Variants in UBE2D3 observed in about 807,000 individuals in gnomAD.
The protein encoded by UBE2D3 is ubiquitin conjugating enzyme E2 D3.
In UBE2D3, 2 loss-of-function variants were observed where a neutral mutation model predicts 22.8. The observed-to-expected ratio is 0.09, with a 90% confidence interval of 0.04 to 0.28. The LOEUF (loss-of-function observed/expected upper bound fraction) is 0.28, where lower values mean the gene tolerates loss of function less well. Among genes scored for constraint, UBE2D3 ranks in the 10% least tolerant of loss-of-function variants. UBE2D3 has a pLI of 1.00. For missense variants in UBE2D3, 27 were observed against 182.5 expected, an observed-to-expected ratio of 0.15 and a Z score of 4.91; for synonymous variants, 56 against 60.4, an observed-to-expected ratio of 0.93 and a Z score of 0.34.
At chr4:102,826,182 T>TC (rs1730448900) in intron 2 of UBE2D3, among the ~76,000 whole-genome samples, 1 of 151,972 alleles carries the variant, frequency 6.6e-6, no homozygotes, top group Admixed American at 6.6e-5. Context: ...CCAAAAAAAC[T>TC]CCTTCTTAAG....
Position 102,826,539 on chromosome 4 carries a change from T to A in UBE2D3, c.-31A>T, listed in dbSNP as rs1730532692. On this transcript the variant is annotated 5_prime_UTR_variant, in exon 2 of 8. Transcript: ENST00000453744. ...GTGCTTGTCGTCTGGCTCCTCACTCTCTCGGTGTATGCTCAAAGGTCCGGC... is the reference window on the plus strand; with the variant it reads ...GTGCTTGTCGTCTGGCTCCTCACTCACTCGGTGTATGCTCAAAGGTCCGGC... 6.2e-7 allele frequency: 1 copy of A among 1,612,220 alleles called. No homozygotes were observed. The highest frequency in any genetic ancestry group is 8.5e-7 in the Non-Finnish European group (1 of 1,179,948).
In UBE2D3 at chr4:102,795,947, A is replaced by C. The variant is rs1357191449; in HGVS notation, c.*1468T>G. The C allele has an allele frequency of 6.6e-6, 1 of 152,528 alleles. No individual in the cohort carries two copies. Among genetic ancestry groups the C allele is most frequent in the African/African-American group, 2.4e-5 (1 of 41,442 alleles). The allele number at this position is 152,528 out of a possible 1,614,324, so 9.4% of individuals were successfully genotyped here. On this transcript the variant is annotated 3_prime_UTR_variant, in exon 8 of 8. Coordinates refer to ENST00000453744, the MANE Select transcript of UBE2D3 (RefSeq NM_181891.3). ...TTACTACAGAAGTTAAATCAGTGGC[A>C]CAGATAGCACTTGTCAAACAAAAAA...
At chr4:102,809,127 G>A in intron 4 of UBE2D3, 2 of 295,998 alleles carry the variant, frequency 6.8e-6, no homozygotes, top group Middle Eastern at 8.2e-4. Context: ...CCATAATTCT[G>A]AATATTCAAT....
rs1200385837 is a variant in UBE2D3 at position 102,796,026 on chromosome 4, T to C, written c.*1389A>G. 1 of 152,418 alleles carries C rather than the reference T, an allele frequency of 6.6e-6. No individual in the cohort carries two copies. The highest frequency in any genetic ancestry group is 1.5e-5 in the Non-Finnish European group (1 of 67,908). The allele number at this position is 152,418 out of a possible 1,614,324, so 9.4% of individuals were successfully genotyped here. ...TCATGTTAAGTCACCTGAAATGATA[T>C]CTGTTGCATTTAAATGCTCATTAAT... On this transcript the variant is annotated 3_prime_UTR_variant, in exon 8 of 8. Coordinates refer to ENST00000453744, the MANE Select transcript of UBE2D3 (RefSeq NM_181891.3).
chr4:102,828,720 T>C (rs1257111538), upstream of UBE2D3, among the ~76,000 whole-genome samples: 1 of 152,176 alleles, frequency 6.6e-6, no homozygotes, highest in East Asian at 1.9e-4. Flanking sequence ...AGAAAAACAA[T>C]ACAATACTTC....
chr4:102,840,514 TG>T (rs1018121721), intron 1 of UBE2D3, among the ~76,000 whole-genome samples: 15 of 152,002 alleles, frequency 9.9e-5, no homozygotes, highest in African/African-American at 3.6e-4. Flanking sequence ...AAGCTAAACA[TG>T]TTGATCTCAT....
chr4:102,823,570 T>C (rs1163185978), intron 2 of UBE2D3, among the ~76,000 whole-genome samples: 3 of 152,226 alleles, frequency 2.0e-5, no homozygotes, highest in Non-Finnish European at 4.4e-5. Flanking sequence ...CACATATTTA[T>C]CTTCAAACGT....
In UBE2D3 at chr4:102,801,436, T is replaced by C; in HGVS notation, c.304+18A>G. On this transcript the variant is annotated intron_variant, in intron 6 of 7. Transcript: ENST00000453744. ...TTATTAGACAATGAGAACAGCTTAT[T>C]TCACTAGAAATATTTACCTTTAGAA... is the stretch of plus-strand genomic sequence containing the variant. The C allele has an allele frequency of 6.3e-7, 1 of 1,585,396 alleles. No homozygotes were observed. The highest frequency in any genetic ancestry group is 8.6e-7 in the Non-Finnish European group (1 of 1,157,426).
intron 1 of UBE2D3, chr4:102,826,955 T>G (rs1053149892): frequency 1.0e-6 from 1 of 1,002,664 alleles, no homozygotes; most frequent in Non-Finnish European, 1.2e-6. Context: ...GTCGGCGCTA[T>G]ACCGGCGTCA....
chr4:102,797,871 A>G (rs1202138516), intron 7 of UBE2D3, among the ~76,000 whole-genome samples: 4 of 152,008 alleles, frequency 2.6e-5, no homozygotes, highest in Non-Finnish European at 5.9e-5. Context: ...GGCTTTTACT[A>G]GAACAATTTT....
intron 7 of UBE2D3, among the ~76,000 whole-genome samples, chr4:102,798,297 T>TATATATATATATATGC (rs1481588683): frequency 6.8e-6 from 1 of 146,678 alleles, no homozygotes; most frequent in African/African-American, 2.6e-5. Context: ...TATATATATA[T>TATATATATATATATGC]GCACAGGAGA....
intron 2 of UBE2D3, among the ~76,000 whole-genome samples, chr4:102,817,866 T>A (rs1271470833): frequency 6.6e-6 from 1 of 152,218 alleles, no homozygotes; most frequent in Admixed American, 6.5e-5. Flanking sequence ...TCAGCATTTT[T>A]AAAAGTAATT....
chr4:102,827,000 C>A (rs1475159371), intron 1 of UBE2D3: 1 of 996,972 alleles, frequency 1.0e-6, no homozygotes, highest in African/African-American at 1.7e-5. Context: ...GAGGGGGAAG[C>A]ATAAGACTCC....
At chr4:102,861,912 GTTTA>G (rs1732918966) in intron 1 of UBE2D3, among the ~76,000 whole-genome samples, 1 of 151,882 alleles carries the variant, frequency 6.6e-6, no homozygotes, top group Non-Finnish European at 1.5e-5. Context: ...GTGTTTGCTT[GTTTA>G]TTTATTTATT....
chr4:102,800,455 C>G (rs1448230229), intron 6 of UBE2D3, among the ~76,000 whole-genome samples: 1 of 151,960 alleles, frequency 6.6e-6, no homozygotes, highest in African/African-American at 2.4e-5. Flanking sequence ...AACGACAAAA[C>G]AATACCAATT....
intron 2 of UBE2D3, among the ~76,000 whole-genome samples, chr4:102,822,396 T>C (rs1290469944): frequency 6.6e-6 from 1 of 152,220 alleles, no homozygotes; most frequent in Non-Finnish European, 1.5e-5. Flanking sequence ...ACAATAAATA[T>C]ATTTTGTTCA....
Position 102,813,170 on chromosome 4 carries a change from T to A in UBE2D3, c.25-3315A>T, listed in dbSNP as rs1449641324. Among the ~76,000 whole-genome samples, 4 of 152,250 alleles carry A rather than the reference T, an allele frequency of 2.6e-5. No homozygotes were observed. In the East Asian group the frequency reaches 7.7e-4, roughly 29 times the overall value. On this transcript the variant is annotated intron_variant, in intron 2 of 7. Coordinates refer to ENST00000453744, the MANE Select transcript of UBE2D3 (RefSeq NM_181891.3). Reference sequence around the variant, plus strand: ...TGTTTAGTTAAAAGTCCACCAATCCTCTCCCCTTTTAAAAAAGTGATGGGA... The same window carrying A: ...TGTTTAGTTAAAAGTCCACCAATCCACTCCCCTTTTAAAAAAGTGATGGGA...
chr4:102,849,699 C>T (rs1430863352), intron 1 of UBE2D3, among the ~76,000 whole-genome samples: 1 of 152,140 alleles, frequency 6.6e-6, no homozygotes, highest in Non-Finnish European at 1.5e-5. Context: ...CAATGGTCAT[C>T]AAGTAAAAGG....
At chr4:102,820,035 A>C (rs1039228276) in intron 2 of UBE2D3, among the ~76,000 whole-genome samples, 10 of 152,196 alleles carry the variant, frequency 6.6e-5, no homozygotes, top group African/African-American at 2.4e-4. Context: ...GAGATGATAA[A>C]ATGAGGTGGG....
Sources: allele counts gnomAD v4.1 joint callset (sites outside exome capture counted in the v4.1 genomes callset), GRCh38; gene constraint gnomAD v4.1.1; transcripts MANE v1.5; gene names NCBI Gene and HGNC (gene_info 2026-07-23, HGNC 2026-07-21).